Variants in PTER observed in about 807,000 individuals in gnomAD.
The protein encoded by PTER is phosphotriesterase related, also known as N-acetyltaurine hydrolase.
PTER carries 38 observed loss-of-function variants against 29.6 expected under a neutral mutation model. The ratio of observed to expected loss-of-function variants is 1.28; its 90% CI spans 0.99 to 1.68. PTER has a LOEUF of 1.68. Ranked by LOEUF, PTER falls within the 40% of genes most tolerant of loss-of-function variation. The pLI is 0.00. For synonymous variants in PTER, 172 were observed against 154.5 expected (o/e 1.11, Z -0.84); for missense variants, 482 against 427.8 (o/e 1.13, Z -1.12).
At chr10:16,519,001 TAAAC>T in the PTER span, among the ~76,000 whole-genome samples, 1 of 152,114 alleles carries the variant, frequency 6.6e-6, no homozygotes, top group Non-Finnish European at 1.5e-5. Flanking sequence ...ATAACTATAA[TAAAC>T]AACCCTGTCA....
chr10:16,466,945 G>A (rs1834857983), intron 1 of PTER, among the ~76,000 whole-genome samples: 1 of 152,138 alleles, frequency 6.6e-6, no homozygotes, highest in African/African-American at 2.4e-5. Flanking sequence ...AAGACCTATG[G>A]CCATGAGTCA....
At chr10:16,494,294 G>A (rs540549171) in intron 3 of PTER, among the ~76,000 whole-genome samples, 1 of 152,220 alleles carries the variant, frequency 6.6e-6, no homozygotes, top group South Asian at 2.1e-4. Flanking sequence ...TTAAACAAGG[G>A]TTTTTCTCTC....
chr10:16,507,959 T>C (rs1170580434), intron 4 of PTER, among the ~76,000 whole-genome samples: 16 of 152,266 alleles, frequency 1.1e-4, no homozygotes, highest in Non-Finnish European at 2.9e-5. Flanking sequence ...ATCTGGAATT[T>C]AAAATAGTGC....
At chr10:16,497,789 A>G (rs1391286178) in intron 3 of PTER, among the ~76,000 whole-genome samples, 1 of 152,168 alleles carries the variant, frequency 6.6e-6, no homozygotes, top group Non-Finnish European at 1.5e-5. Flanking sequence ...CCCTCAGCAT[A>G]TGGATAAGAT....
intron 4 of PTER, among the ~76,000 whole-genome samples, chr10:16,505,708 C>T (rs1836534190): frequency 6.6e-6 from 1 of 152,140 alleles, no homozygotes; most frequent in Admixed American, 6.5e-5. Context: ...TCTTTGTAAT[C>T]AAGTAGAAAA....
intron 1 of PTER, among the ~76,000 whole-genome samples, chr10:16,469,666 C>G (rs552963313): frequency 6.6e-6 from 1 of 152,244 alleles, no homozygotes; most frequent in South Asian, 2.1e-4. Context: ...AGCCTCGAGT[C>G]CAGGCTCAAG....
At chr10:16,513,880 A>G (rs1215557035), downstream of PTER, 1 of 154,974 alleles carries the variant, frequency 6.5e-6, no homozygotes, top group Non-Finnish European at 1.4e-5. Context: ...TATCACCAGA[A>G]AAGAGAGAAA....
rs1834144276 is a variant in PTER at position 16,449,881 on chromosome 10, G to T, written c.-49+12834G>T. On this transcript the variant is annotated intron_variant, in intron 1 of 4. Transcript: ENST00000535784. ...TCTACCTTAAACCAAGGGAAATCAG[G>T]CATTTCTAGCTCACACACAGTGGGT... Among the ~76,000 whole-genome samples the T allele has an allele frequency of 2.0e-5, 3 of 152,066 alleles. No homozygotes were observed. In the South Asian group the frequency reaches 6.2e-4, roughly 31 times the overall value.
intron 3 of PTER, among the ~76,000 whole-genome samples, chr10:16,487,315 A>G (rs987473970): frequency 3.9e-5 from 6 of 152,190 alleles, no homozygotes; most frequent in African/African-American, 1.2e-4. Flanking sequence ...TGCAGGGAGA[A>G]TCTTTCCTTG....
Position 16,484,767 on chromosome 10 carries a change from A to C in PTER, c.383A>C (p.Tyr128Ser). 6.2e-7 allele frequency: 1 copy of C among 1,613,634 alleles called. No homozygotes were observed. Among genetic ancestry groups the C allele is most frequent in the Admixed American group, 1.7e-5 (1 of 59,898 alleles). Residue 128 changes from tyrosine to serine, a missense_variant, in exon 2 of 5, where the codon TAT (tyrosine) becomes TCT (serine). Transcript: ENST00000535784. ...CATATCATATCTGGAGCCGGGTTTT[A>C]TGTGGATGCAACTCACTCCTCAGAG... ...GVHIISGAGF[Y>S]VDATHSSETR...
At chr10:16,506,107 A>G (rs1315739198) in intron 4 of PTER, among the ~76,000 whole-genome samples, 1 of 152,184 alleles carries the variant, frequency 6.6e-6, no homozygotes, top group Non-Finnish European at 1.5e-5. Flanking sequence ...AATGCCGGTA[A>G]TAAGTGACAA....
chr10:16,438,591 G>C (rs922986575), intron 1 of PTER, among the ~76,000 whole-genome samples: 4 of 150,286 alleles, frequency 2.7e-5, no homozygotes, highest in Non-Finnish European at 5.9e-5. Flanking sequence ...TTACAGGCGT[G>C]AGCCACTGCG....
chr10:16,495,620 A>G (rs1317659032), intron 3 of PTER, among the ~76,000 whole-genome samples: 1 of 152,176 alleles, frequency 6.6e-6, no homozygotes, highest in Non-Finnish European at 1.5e-5. Flanking sequence ...TGTAAGTTTT[A>G]TCAGGGAATG....
chr10:16,490,253 G>A (rs1052748252), intron 3 of PTER, among the ~76,000 whole-genome samples: 1 of 152,090 alleles, frequency 6.6e-6, no homozygotes, highest in Non-Finnish European at 1.5e-5. Context: ...GTTTCTCTTG[G>A]TACTTGAAGT....
chr10:16,517,812 G>T (rs1277538604), downstream of PTER, among the ~76,000 whole-genome samples: 1 of 152,180 alleles, frequency 6.6e-6, no homozygotes, highest in Non-Finnish European at 1.5e-5. Context: ...TGCTACTGAT[G>T]TTCTCGTAAT....
chr10:16,459,124 T>C (rs1180387043), intron 1 of PTER, among the ~76,000 whole-genome samples: 1 of 152,178 alleles, frequency 6.6e-6, no homozygotes, highest in Non-Finnish European at 1.5e-5. Flanking sequence ...CAATGTATTT[T>C]TCTTCAAAAA....
At chr10:16,439,598 G>A (rs1004524844) in intron 1 of PTER, among the ~76,000 whole-genome samples, 2 of 152,218 alleles carry the variant, frequency 1.3e-5, no homozygotes, top group Non-Finnish European at 2.9e-5. Flanking sequence ...TATAGCATGA[G>A]AGGAGCTTGG....
intron 1 of PTER, among the ~76,000 whole-genome samples, chr10:16,477,764 A>G (rs7915486): frequency 0.48 from 73,415 of 152,060 alleles, 19,683 homozygotes; most frequent in African/African-American, 0.73. Flanking sequence ...ATAGCCTTCC[A>G]GATGAAACTA....
Position 16,484,529 on chromosome 10 carries a change from A to G in PTER, c.145A>G (p.Lys49Glu). The G allele has an allele frequency of 6.2e-7, 1 of 1,614,146 alleles. No homozygotes were observed. The highest frequency in any genetic ancestry group is 8.5e-7 in the Non-Finnish European group (1 of 1,180,006). The change falls in exon 2 of 5, where the codon AAA becomes GAA. Residue 49 changes from lysine to glutamate, a missense_variant. Lys to Glu is a moderately conservative substitution (Grantham distance 56). Coordinates refer to ENST00000535784, the MANE Select transcript of PTER (RefSeq NM_001261836.2). ...TCCCCCGTGCCAGGAAGCTATTTCC[A>G]AAGAACCTATCGTGATGAAAAATTT... ...PPPPCQEAIS[K>E]EPIVMKNLYW...
Sources: allele counts gnomAD v4.1 joint callset (sites outside exome capture counted in the v4.1 genomes callset), GRCh38; gene constraint gnomAD v4.1.1; transcripts MANE v1.5; gene names NCBI Gene and HGNC (gene_info 2026-07-23, HGNC 2026-07-21).